The following USP54 variants were observed in gnomAD, a reference collection of about 807,000 sequenced individuals.
USP54 encodes the protein ubiquitin specific peptidase 54.
USP54 carries 87 observed loss-of-function variants against 170.5 expected under a neutral mutation model. The observed-to-expected ratio is 0.51, with a 90% CI of 0.43 to 0.61. The LOEUF (loss-of-function observed/expected upper bound fraction) is 0.61. Among genes scored for constraint, USP54 ranks in the 20% least tolerant of loss-of-function variants. The pLI, the probability that USP54 is intolerant of heterozygous loss-of-function variation, is 0.00. For synonymous variants in USP54, 655 were observed against 742.8 expected (o/e 0.88, Z 1.92); for missense variants, 1,786 against 2,047.8 (o/e 0.87, Z 2.47).
chr10:73,556,415 C>T lies in USP54; in HGVS notation c.241-10743G>A, dbSNP rs560816239. Among the ~76,000 whole-genome samples, 9 of 146,050 alleles carry T rather than the reference C, an allele frequency of 6.2e-5. No homozygotes were observed. The South Asian group carries it at 8.6e-4, about 14-fold the overall frequency. ...CAACAATCATGCAGTGGCACCATTT[C>T]GGTTCACTGCAACCTCCACCTCCCA... On this transcript the variant is annotated intron_variant, in intron 4 of 23. Transcript: ENST00000687698.
At chr10:73,507,030 T>C (rs1329409171) in intron 20 of USP54, 1 of 152,122 alleles carries the variant, frequency 6.6e-6, no homozygotes, top group Non-Finnish European at 1.5e-5. Flanking sequence ...ATACCAGATA[T>C]TGTCCAGCCA....
At position 73,499,068 on chromosome 10, in the gene USP54, T is replaced by G; in HGVS notation, c.4616A>C (p.Asp1539Ala). ...CTCTGACCAGGGTGCCCAGGAGTTG[T>G]CTGTTCTGGAGCGATGGGGGAGGCT... ...YQSLPHRSRT[D>A]NSWAPWSETN... is the part of the protein sequence containing the mutation. Residue 1539 changes from aspartate to alanine, a missense_variant, in exon 24 of 24, where the codon GAC (aspartate) becomes GCC (alanine). By Grantham distance (126) the Asp-to-Ala change is moderately radical. Around this residue, in one of 3 missense-constraint regions of USP54, gnomAD observed 1,418 missense variants for 1,569.0 expected, o/e 0.90. Coordinates refer to ENST00000687698, the MANE Select transcript of USP54 (RefSeq NM_001391956.1). 2.5e-6 allele frequency: 4 copies of G among 1,614,138 alleles called. No homozygotes were observed. The highest frequency in any genetic ancestry group is 3.4e-6 in the Non-Finnish European group (4 of 1,180,008).
intron 4 of USP54, among the ~76,000 whole-genome samples, chr10:73,557,697 G>A (rs1183771323): frequency 6.6e-6 from 1 of 151,728 alleles, no homozygotes; most frequent in African/African-American, 2.4e-5. Context: ...TGTTGGCCAG[G>A]CTGGTCTCAA....
chr10:73,545,345 A>C (rs2067552201), intron 5 of USP54, among the ~76,000 whole-genome samples, 193 bp downstream of exon 5: 1 of 152,212 alleles, frequency 6.6e-6, no homozygotes, highest in Non-Finnish European at 1.5e-5. Flanking sequence ...GCACAAAACC[A>C]CCAGCCTAAA....
At chr10:73,567,825 T>A (rs895216740) in intron 4 of USP54, among the ~76,000 whole-genome samples, 2 of 152,222 alleles carry the variant, frequency 1.3e-5, no homozygotes, top group Non-Finnish European at 2.9e-5. Context: ...TCCTTTATAA[T>A]CTTTATATCT....
Position 73,547,587 on chromosome 10 carries a change from C to T in USP54, c.241-1915G>A, listed in dbSNP as rs2068151879. On this transcript the variant is annotated intron_variant, in intron 4 of 23. Transcript: ENST00000687698. ...CCTCAGAAATAATGCCACACATCTACAACAATCTGATCTTTGACAAACCTG... is the reference window on the plus strand; with the variant it reads ...CCTCAGAAATAATGCCACACATCTATAACAATCTGATCTTTGACAAACCTG... Among the ~76,000 whole-genome samples the T allele has an allele frequency of 1.3e-5, 2 of 152,132 alleles. 1 individual carries two copies. The highest frequency in any genetic ancestry group is 4.1e-4 in the South Asian group (2 of 4,824).
chr10:73,583,584 C>A lies in USP54; in HGVS notation c.-581-7223G>T, dbSNP rs572881840. Among the ~76,000 whole-genome samples, 350 of 152,054 alleles carry A rather than the reference C, an allele frequency of 2.3e-3. 1 individual carries two copies. Among genetic ancestry groups the A allele is most frequent in the Non-Finnish European group, 3.5e-3 (236 of 67,964 alleles). On this transcript the variant is annotated intron_variant, in intron 1 of 23. Transcript: ENST00000687698. ...TACAGGCGTGAGCCACTGCACCTGG[C>A]CAAAAAAAATTTTTTTTAATTAGCC... is the stretch of plus-strand genomic sequence containing the variant.
intron 22 of USP54, among the ~76,000 whole-genome samples, chr10:73,502,602 C>T (rs1035978294): frequency 1.3e-5 from 2 of 152,202 alleles, no homozygotes; most frequent in Admixed American, 6.5e-5. Flanking sequence ...CGTGAGCCAC[C>T]GCGCCCGGCT....
At chr10:73,587,402 G>A (rs1215877159) in intron 1 of USP54, among the ~76,000 whole-genome samples, 1 of 152,120 alleles carries the variant, frequency 6.6e-6, no homozygotes, top group Non-Finnish European at 1.5e-5. Context: ...GTGAACCTGG[G>A]AGGCGGAGCT....
chr10:73,552,981 TTCCTCAGTCTCTGAGA>T (rs1347298646), intron 4 of USP54, among the ~76,000 whole-genome samples: 3 of 152,178 alleles, frequency 2.0e-5, no homozygotes, highest in Non-Finnish European at 2.9e-5. Flanking sequence ...CTTGAGCTAC[TTCCTCAGTCTCTGAGA>T]TCTGAGTAGG....
intron 20 of USP54, 30 bp downstream of exon 20, chr10:73,516,345 C>T (rs199900767): frequency 3.2e-6 from 5 of 1,577,138 alleles, no homozygotes; most frequent in East Asian, 4.5e-5. Context: ...GATCCTCCCC[C>T]CTCCCCCCAA....
intron 1 of USP54, among the ~76,000 whole-genome samples, chr10:73,607,020 T>TA (rs2079701314): frequency 6.7e-6 from 1 of 150,340 alleles, no homozygotes; most frequent in African/African-American, 2.4e-5. Context: ...AATTAGAAAG[T>TA]AAATATTGAC....
At chr10:73,577,565 T>C (rs939545688) in intron 1 of USP54, among the ~76,000 whole-genome samples, 4 of 152,186 alleles carry the variant, frequency 2.6e-5, no homozygotes, top group African/African-American at 4.8e-5. Context: ...ACACGATACT[T>C]ATGTCCTTTA....
chr10:73,534,107 T>C (rs1032249566), intron 12 of USP54, among the ~76,000 whole-genome samples: 5 of 152,250 alleles, frequency 3.3e-5, no homozygotes, highest in Non-Finnish European at 5.9e-5. Flanking sequence ...TCACGGTTCA[T>C]TCAAAACTGT....
At chr10:73,573,593 G>A (rs987410892) in intron 3 of USP54, among the ~76,000 whole-genome samples, 4 of 152,068 alleles carry the variant, frequency 2.6e-5, no homozygotes, top group African/African-American at 9.7e-5. Flanking sequence ...GCGAAACCCC[G>A]TCTCTACTAA....
At chr10:73,540,298 C>T (rs1004789661) in intron 9 of USP54, among the ~76,000 whole-genome samples, 6 of 148,124 alleles carry the variant, frequency 4.1e-5, no homozygotes, top group East Asian at 4.1e-4. Flanking sequence ...CAGCTGGGCG[C>T]GGTGGCTCAC....
chr10:73,544,481 A>G (rs1249483130), intron 5 of USP54, among the ~76,000 whole-genome samples: 1 of 152,244 alleles, frequency 6.6e-6, no homozygotes, highest in East Asian at 1.9e-4. Context: ...GTTTTGTTTT[A>G]ATATAAGTTT....
Position 73,530,469 on chromosome 10 carries a change from C to T in USP54, c.1502G>A (p.Ser501Asn), listed in dbSNP as rs746347786. The T allele has an allele frequency of 2.0e-5, 32 of 1,613,922 alleles. No individual in the cohort carries two copies. Among genetic ancestry groups the T allele is most frequent in the Admixed American group, 1.3e-4 (8 of 59,994 alleles). Residue 501 changes from serine (S) to asparagine (N), a missense_variant, in exon 14 of 24, where the codon AGC (serine) becomes AAC (asparagine). Coordinates refer to ENST00000687698, the MANE Select transcript of USP54 (RefSeq NM_001391956.1). ...APRNASKPSS[S>N]TNRLRDFKET... ...TTTAAAATCTCTCAGCCTGTTGGTG[C>T]TGCTGGATGGTTTGGAGGCATTTCT... is the stretch of plus-strand genomic sequence containing the variant.
chr10:73,505,185 T>C, intron 21 of USP54, 123 bp downstream of exon 21: 1 of 1,244,158 alleles, frequency 8.0e-7, no homozygotes, highest in Non-Finnish European at 1.1e-6. Context: ...ATAGACCTTA[T>C]TTTCTTCTGA....
Sources: allele counts gnomAD v4.1 joint callset (sites outside exome capture counted in the v4.1 genomes callset), GRCh38; gene constraint gnomAD v4.1.1; regional missense constraint gnomAD v4.1.1; transcripts MANE v1.5; gene names NCBI Gene and HGNC (gene_info 2026-07-23, HGNC 2026-07-21).